Variants in UPB1 observed in about 807,000 individuals in gnomAD.
UPB1 encodes the protein beta-ureidopropionase.
Under a neutral mutation model 49.1 loss-of-function variants are expected in UPB1, and 40 were observed. That is an observed-to-expected ratio of 0.81 (90% CI 0.63 to 1.06). The LOEUF (loss-of-function observed/expected upper bound fraction) is 1.06, where lower values mean the gene tolerates loss of function less well. Among genes scored for constraint, UPB1 ranks in the 50% least tolerant of loss-of-function variants. The pLI, the probability that UPB1 is intolerant of heterozygous loss-of-function variation, is 0.00. For synonymous variants in UPB1, 207 were observed against 198.2 expected (o/e 1.04, Z -0.38); for missense variants, 499 against 505.9 (o/e 0.99, Z 0.13).
At chr22:24,498,428 C>A (rs2146998669) in intron 1 of UPB1, among the ~76,000 whole-genome samples, 1 of 152,272 alleles carries the variant, frequency 6.6e-6, no homozygotes, top group South Asian at 2.1e-4. Context: ...TGGTAATGCA[C>A]CGCCTTTGAT....
rs1273445760 is a variant in UPB1 at position 24,500,276 on chromosome 22, C to A, written c.274C>A (p.Gln92Lys). Residue 92 changes from glutamine to lysine, a missense_variant and splice_region_variant, in exon 2 of 10, where the codon CAG becomes AAG. Coordinates refer to ENST00000326010, the MANE Select transcript of UPB1 (RefSeq NM_016327.3). ...PLPANAPVAE[Q>K]VSALHRRIKA... ...CCCCGCAAATGCCCCTGTGGCAGAA[C>A]AGGTGCAGACTCTTTTGACCATAAT... The A allele has an allele frequency of 1.9e-6, 3 of 1,613,984 alleles. No individual in the cohort carries two copies. Among genetic ancestry groups the A allele is most frequent in the Non-Finnish European group, 2.5e-6 (3 of 1,180,046 alleles).
intron 1 of UPB1, among the ~76,000 whole-genome samples, chr22:24,496,054 T>C (rs2043868160): frequency 6.6e-6 from 1 of 152,168 alleles, no homozygotes; most frequent in Non-Finnish European, 1.5e-5. Flanking sequence ...GGCTGTATAC[T>C]GCTGGACACT....
At chr22:24,505,855 G>A (rs2044080368) in intron 3 of UPB1, among the ~76,000 whole-genome samples, 1 of 151,134 alleles carries the variant, frequency 6.6e-6, no homozygotes, top group Non-Finnish European at 1.5e-5. Context: ...TGGGACTACA[G>A]GCCCGTGCCA....
intron 3 of UPB1, 108 bp downstream of exon 3, chr22:24,502,321 C>T: frequency 8.0e-7 from 1 of 1,247,012 alleles, no homozygotes; most frequent in Non-Finnish European, 1.2e-6. Flanking sequence ...TCCTTTGTTT[C>T]CTCATCCATG....
intron 7 of UPB1, among the ~76,000 whole-genome samples, chr22:24,521,598 AGT>A (rs1568996183): frequency 1.3e-5 from 2 of 152,196 alleles, no homozygotes; most frequent in African/African-American, 4.8e-5. Context: ...TACTGAAAGC[AGT>A]GTGTGTACCT....
At chr22:24,521,938 G>A in intron 7 of UPB1, 48 bp from the exon 8 acceptor site, 4 of 1,600,748 alleles carry the variant, frequency 2.5e-6, no homozygotes, top group Non-Finnish European at 3.4e-6. Context: ...AATGAGTGTA[G>A]TGGTAGTGCC....
intron 2 of UPB1, 122 bp from the exon 3 acceptor site, chr22:24,502,004 C>T (rs2044001411): frequency 1.0e-6 from 1 of 970,104 alleles, no homozygotes; most frequent in East Asian, 2.5e-5. Flanking sequence ...ATAGAACCTC[C>T]CCACCCTACT....
intron 8 of UPB1, among the ~76,000 whole-genome samples, chr22:24,522,694 G>A (rs1401400887): frequency 6.6e-6 from 1 of 151,792 alleles, no homozygotes; most frequent in Non-Finnish European, 1.5e-5. Context: ...TACTTTGGGA[G>A]GCTGAGGCGG....
At chr22:24,521,910 T>G (rs1034244693) in intron 7 of UPB1, 76 bp from the exon 8 acceptor site, 11 of 1,504,008 alleles carry the variant, frequency 7.3e-6, no homozygotes, top group Non-Finnish European at 1.0e-5. Flanking sequence ...GCCCTGCTCA[T>G]CTGGCTGAGT....
At chr22:24,498,273 C>T (rs867098377) in intron 1 of UPB1, among the ~76,000 whole-genome samples, 3 of 152,216 alleles carry the variant, frequency 2.0e-5, no homozygotes, top group South Asian at 2.1e-4. Flanking sequence ...TTGGGGCAGA[C>T]ATAAGCATTC....
At chr22:24,502,712 T>C in intron 3 of UPB1, 1 of 584,556 alleles carries the variant, frequency 1.7e-6, no homozygotes, top group Non-Finnish European at 3.0e-6. Flanking sequence ...GCATCAACAC[T>C]GAGCTAGTTC....
At chr22:24,504,991 T>C (rs1278624911) in intron 3 of UPB1, among the ~76,000 whole-genome samples, 1 of 150,390 alleles carries the variant, frequency 6.6e-6, no homozygotes, top group Non-Finnish European at 1.5e-5. Flanking sequence ...TTCTCCCACC[T>C]TGGACTCCCA....
In UPB1 at chr22:24,520,369, C is replaced by T. The variant is rs764090933; in HGVS notation, c.792-18C>T. Reference sequence around the variant, plus strand: ...CTGGAAAGTCGGCAACCTGGTTCCTCTTGGTCCTCTCTTACAGCGAGTCCC... The same window carrying T: ...CTGGAAAGTCGGCAACCTGGTTCCTTTTGGTCCTCTCTTACAGCGAGTCCC... On this transcript the variant is annotated intron_variant, in intron 6 of 9. Transcript: ENST00000326010. 15 of 1,613,730 alleles carry T rather than the reference C, an allele frequency of 9.3e-6. No homozygotes were observed. The highest frequency in any genetic ancestry group is 1.2e-5 in the Non-Finnish European group (14 of 1,179,906).
rs753365227 is a variant in UPB1, at chr22:24,522,037, C to T, written c.916+9C>T. 5.0e-6 allele frequency: 8 copies of T among 1,613,708 alleles called. No individual in the cohort carries two copies. The highest frequency in any genetic ancestry group is 1.1e-5 in the South Asian group (1 of 90,986). The stretch of plus-strand genomic sequence containing the variant: ...GGGAGATGGAAAGAAAGGTATGTCC[C>T]ATGAACCATGGTGGCTGCAGTTGAG... On this transcript the variant is annotated intron_variant, in intron 8 of 9. Coordinates refer to ENST00000326010, the MANE Select transcript of UPB1 (RefSeq NM_016327.3).
chr22:24,522,797 A>T (rs2044418250), intron 8 of UPB1, among the ~76,000 whole-genome samples: 1 of 151,354 alleles, frequency 6.6e-6, no homozygotes, highest in South Asian at 2.1e-4. Flanking sequence ...ACAAAAAATT[A>T]GCCGGGCATG....
Position 24,510,842 on chromosome 22 carries a change from A to G in UPB1, c.458A>G (p.Lys153Arg). The change falls in exon 4 of 10, where the codon AAG becomes AGG. Residue 153 changes from lysine (K) to arginine (R), a missense_variant and splice_region_variant. Lys to Arg is a conservative substitution (Grantham distance 26). Transcript: ENST00000326010. ...GGGCCCACCACCAGATTCTGTCAGA[A>G]GGTAGGACATTAACGGTGCCTCTGG... ...EDGPTTRFCQ[K>R]LAKNHDMVVV... 1 of 1,614,204 alleles carries G rather than the reference A, an allele frequency of 6.2e-7. No individual in the cohort carries two copies. Among genetic ancestry groups the G allele is most frequent in the Non-Finnish European group, 8.5e-7 (1 of 1,180,020 alleles).
intron 1 of UPB1, among the ~76,000 whole-genome samples, chr22:24,496,414 C>T (rs948443764): frequency 7.1e-6 from 1 of 141,642 alleles, no homozygotes; most frequent in African/African-American, 3.0e-5. Flanking sequence ...TACACACACA[C>T]ACACACACAC....
chr22:24,524,999 C>G (rs936192582), intron 9 of UPB1, among the ~76,000 whole-genome samples: 5 of 152,160 alleles, frequency 3.3e-5, no homozygotes, highest in Admixed American at 6.5e-5. Flanking sequence ...TGACCTCTCT[C>G]TCCTCTTCCT....
chr22:24,512,471 A>G (rs1005318097), intron 4 of UPB1, among the ~76,000 whole-genome samples: 7 of 152,206 alleles, frequency 4.6e-5, no homozygotes, highest in African/African-American at 1.7e-4. Context: ...GACAAAAGGA[A>G]TTTGATGCCA....
Sources: allele counts gnomAD v4.1 joint callset (sites outside exome capture counted in the v4.1 genomes callset), GRCh38; gene constraint gnomAD v4.1.1; transcripts MANE v1.5; gene names NCBI Gene and HGNC (gene_info 2026-07-23, HGNC 2026-07-21).